PKD1L3: variants seen among roughly 807,000 people sequenced by gnomAD.
The protein encoded by PKD1L3 is polycystin-1-like protein 3.
PKD1L3 carries 239 observed loss-of-function variants against 184.1 expected under a neutral mutation model. The observed-to-expected ratio is 1.30, with a 90% CI of 1.17 to 1.45. PKD1L3 has a LOEUF of 1.45. PKD1L3 is among the 40% of genes most tolerant of loss of function. The pLI is 0.00. For synonymous variants in PKD1L3, 996 were observed against 778.8 expected, an observed-to-expected ratio of 1.28 and a Z score of -4.64; for missense variants, 2,660 against 2,067.2, an observed-to-expected ratio of 1.29 and a Z score of -5.56.
chr16:71,997,818 G>GTACA, intron 2 of PKD1L3, among the ~76,000 whole-genome samples: 1 of 151,804 alleles, frequency 6.6e-6, no homozygotes, highest in African/African-American at 2.4e-5. Context: ...AAATGCATAC[G>GTACA]TACATACATA....
chr16:71,968,019 G>A lies in PKD1L3; in HGVS notation c.2185-12C>T. 1 of 1,544,190 alleles carries A rather than the reference G, an allele frequency of 6.5e-7. No individual in the cohort carries two copies. The highest frequency in any genetic ancestry group is 8.8e-7 in the Non-Finnish European group (1 of 1,140,448). On this transcript the variant is annotated splice_polypyrimidine_tract_variant and intron_variant, in intron 13 of 29. Coordinates refer to ENST00000620267, the MANE Select transcript of PKD1L3 (RefSeq NM_181536.2). ...ACAGTGACCTTCACCTGCAAGAAAA[G>A]CAGAACCATGCAACTTACTAGGCCT... is the stretch of plus-strand genomic sequence containing the variant.
intron 15 of PKD1L3, 107 bp downstream of exon 15, chr16:71,967,030 G>T: frequency 8.3e-7 from 1 of 1,202,212 alleles, no homozygotes; most frequent in Non-Finnish European, 1.1e-6. Flanking sequence ...ATAGTCATTT[G>T]TTACTATTTG....
At chr16:71,978,493 GTGTATA>G (rs1445884011) in intron 9 of PKD1L3, 110 bp from the exon 10 acceptor site, 16 of 119,312 alleles carry the variant, frequency 1.3e-4, no homozygotes, top group African/African-American at 1.2e-3. Flanking sequence ...GTGTGTGTGT[GTGTATA>G]TATATATATA....
At position 71,970,423 on chromosome 16, in the gene PKD1L3, A is replaced by G. The variant is rs557573221; in HGVS notation, c.1954-318T>C. Among the ~76,000 whole-genome samples the G allele has an allele frequency of 1.9e-4, 29 of 152,330 alleles. No individual in the cohort carries two copies. In the East Asian group the frequency reaches 5.2e-3, roughly 27 times the overall value. ...TTTGTCTATAATTATCAAAAATAGGAAACAACTTACATGTTCAATAGCAGA... is the reference window on the plus strand; with the variant it reads ...TTTGTCTATAATTATCAAAAATAGGGAACAACTTACATGTTCAATAGCAGA... On this transcript the variant is annotated intron_variant, in intron 12 of 29. Coordinates refer to ENST00000620267, the MANE Select transcript of PKD1L3 (RefSeq NM_181536.2).
In PKD1L3 at chr16:71,967,167, C is replaced by T. The variant is rs752883754; in HGVS notation, c.2435G>A (p.Trp812Ter). 164 of 1,551,554 alleles carry T rather than the reference C, an allele frequency of 1.1e-4. No homozygotes were observed. The highest frequency in any genetic ancestry group is 1.4e-4 in the Non-Finnish European group (157 of 1,146,960). ...GGGACTGACGCCAGAATTGTCATGC[C>T]AGAGCCGAAGGCTGTGCAGGTTCCC... is the stretch of plus-strand genomic sequence containing the variant. Reference protein sequence around the residue: ...SLGNLHSLRLWHDNSGVSPSW... With the variant: ...SLGNLHSLRL The change falls in exon 15 of 30, where the codon TGG becomes TAG. Residue 812 changes from tryptophan to a stop codon, truncating the protein, a stop_gained. Transcript: ENST00000620267. LOFTEE classifies it high-confidence loss of function.
intron 24 of PKD1L3, among the ~76,000 whole-genome samples, chr16:71,938,815 A>G (rs573969512): frequency 1.4e-4 from 21 of 152,330 alleles, no homozygotes; most frequent in African/African-American, 4.8e-4. Flanking sequence ...TTGTCACTCA[A>G]TGAAGCTCCT....
chr16:71,933,832 T>C (rs2038077959), intron 27 of PKD1L3, 83 bp downstream of exon 27: 11 of 1,446,928 alleles, frequency 7.6e-6, no homozygotes, highest in Admixed American at 4.0e-5. Flanking sequence ...CGGGTTTCTG[T>C]GTTGTGACCA....
At chr16:71,966,754 A>C in intron 15 of PKD1L3, among the ~76,000 whole-genome samples, 1 of 152,068 alleles carries the variant, frequency 6.6e-6, no homozygotes, top group East Asian at 1.9e-4. Context: ...AATTTGACTC[A>C]AAGTTTGACT....
intron 22 of PKD1L3, among the ~76,000 whole-genome samples, chr16:71,947,088 T>G (rs9673858): frequency 0.041 from 6,239 of 151,942 alleles, 428 homozygotes; most frequent in African/African-American, 0.14. Context: ...AAACCCTGTC[T>G]CTACTAATAC....
chr16:71,970,826 C>A (rs114592751), intron 12 of PKD1L3, among the ~76,000 whole-genome samples: 3,500 of 152,000 alleles, frequency 0.023, 151 homozygotes, highest in African/African-American at 0.078. Flanking sequence ...ATAAATAATA[C>A]ATAAATATAA....
At chr16:71,959,330 A>C (rs1229001170) in intron 16 of PKD1L3, among the ~76,000 whole-genome samples, 1 of 152,044 alleles carries the variant, frequency 6.6e-6, no homozygotes, top group Non-Finnish European at 1.5e-5. Context: ...GAATCACTTG[A>C]ACCTGGGAGG....
chr16:71,999,689 T>C lies in PKD1L3; in HGVS notation c.290A>G (p.Tyr97Cys). ...MPLKKHQDNK[Y>C]PADVAANGPP... is the part of the protein sequence containing the mutation. ...ACTGAACCCCAGGGTCTTACCTGGG[T>C]ATTTGTTGTCTTGATGCTTTTTCAA... Residue 97 changes from tyrosine (Y) to cysteine (C), a missense_variant, in exon 1 of 30, where the codon TAC (tyrosine) becomes TGC (cysteine). By Grantham distance (194) the Tyr-to-Cys change is radical (BLOSUM62 -2). Transcript: ENST00000620267. 1.3e-6 allele frequency: 2 copies of C among 1,544,872 alleles called. No homozygotes were observed. The highest frequency in any genetic ancestry group is 1.8e-6 in the Non-Finnish European group (2 of 1,142,444).
chr16:71,981,928 A>C, intron 7 of PKD1L3, 131 bp downstream of exon 7: 1 of 1,007,958 alleles, frequency 9.9e-7, no homozygotes, highest in Non-Finnish European at 1.4e-6. Context: ...GGCATGGCAG[A>C]GGAGTTTCTT....
In PKD1L3 at chr16:71,986,591, T is replaced by G. The variant is rs921946138; in HGVS notation, c.586-122A>C. The G allele has an allele frequency of 4.4e-6, 5 of 1,145,602 alleles. No individual in the cohort carries two copies. The Admixed American group carries it at 9.4e-5, about 22-fold the overall frequency. The allele number at this position is 1,145,602 out of a possible 1,614,324, so 71.0% of individuals were successfully genotyped here. ...ATGAGATACTAATAGGCATTTCTGT[T>G]AAAAAAAATTCTGTGCTCAAACAGA... On this transcript the variant is annotated intron_variant, in intron 4 of 29. Coordinates refer to ENST00000620267, the MANE Select transcript of PKD1L3 (RefSeq NM_181536.2).
At chr16:71,961,343 G>A (rs1422189070) in intron 16 of PKD1L3, among the ~76,000 whole-genome samples, 5 of 151,886 alleles carry the variant, frequency 3.3e-5, no homozygotes, top group African/African-American at 1.2e-4. Context: ...GGCTGGTCTC[G>A]AACTCCTGAC....
intron 3 of PKD1L3, among the ~76,000 whole-genome samples, chr16:71,990,842 C>G (rs2040562000): frequency 6.6e-6 from 1 of 151,954 alleles, no homozygotes; most frequent in Non-Finnish European, 1.5e-5. Flanking sequence ...AAGGAAAGCA[C>G]AGCCCTGAAA....
chr16:71,953,211 A>C (rs2038916878), intron 17 of PKD1L3, 118 bp from the exon 18 acceptor site: 1 of 859,244 alleles, frequency 1.2e-6, no homozygotes, highest in African/African-American at 1.8e-5. Context: ...CTAGAGATAA[A>C]ATTATCCTGG....
intron 16 of PKD1L3, among the ~76,000 whole-genome samples, chr16:71,960,079 T>C (rs991307120): frequency 6.6e-6 from 1 of 151,792 alleles, no homozygotes; most frequent in East Asian, 1.9e-4. Context: ...CTGTGATCCA[T>C]GTCACAGCAC....
Position 71,967,194 on chromosome 16 carries a change from A to G in PKD1L3, c.2408T>C (p.Leu803Pro). ...DVFLLTTWTS[L>P]GNLHSLRLWH... ...GAGCCGAAGGCTGTGCAGGTTCCCT[A>G]GAGAGGTCCAAGTGGTGAGAAGGAA... Residue 803 changes from leucine to proline, a missense_variant, in exon 15 of 30, where the codon CTA becomes CCA. Leu to Pro is a moderately conservative substitution (Grantham distance 98). Transcript: ENST00000620267. 6.4e-7 allele frequency: 1 copy of G among 1,551,722 alleles called. No individual in the cohort carries two copies. Among genetic ancestry groups the G allele is most frequent in the Non-Finnish European group, 8.7e-7 (1 of 1,146,980 alleles).
Sources: gnomAD v4.1 joint callset for allele counts (sites outside exome capture counted in the v4.1 genomes callset) on GRCh38, gnomAD v4.1.1 for gene constraint, MANE v1.5 for transcripts, NCBI Gene and HGNC (gene_info 2026-07-23, HGNC 2026-07-21) for gene names.